Variants in SAMD12 observed in about 807,000 individuals in gnomAD.
SAMD12 encodes the protein sterile alpha motif domain-containing protein 12.
Under a neutral mutation model 15.0 loss-of-function variants are expected in SAMD12, and 9 were observed. That is an observed-to-expected ratio of 0.60 (90% confidence interval 0.36 to 1.05). The LOEUF is 1.05. Ranked by LOEUF, SAMD12 falls within the 50% of genes least tolerant of loss-of-function variation. The probability of loss-of-function intolerance (pLI) is 0.01; values close to 1 mark genes in which losing one functional copy is unlikely to be tolerated. For missense variants in SAMD12, 230 were observed against 234.2 expected (o/e 0.98, Z 0.12); for synonymous variants, 86 against 90.1 (o/e 0.96, Z 0.25).
chr8:118,545,453 G>C (rs1348150401), intron 2 of SAMD12, among the ~76,000 whole-genome samples: 1 of 152,112 alleles, frequency 6.6e-6, no homozygotes. Context: ...GGTGACAAGA[G>C]TGAGAGTCCA....
At chr8:118,236,736 A>T (rs945061119) in intron 4 of SAMD12, among the ~76,000 whole-genome samples, 3 of 152,190 alleles carry the variant, frequency 2.0e-5, no homozygotes, top group African/African-American at 7.2e-5. Context: ...ATATTTTACT[A>T]TCAAATTTGG....
At chr8:118,421,280 T>C (rs1468530306) in intron 3 of SAMD12, among the ~76,000 whole-genome samples, 2 of 152,244 alleles carry the variant, frequency 1.3e-5, no homozygotes, top group Admixed American at 6.5e-5. Flanking sequence ...ACTTATTTTC[T>C]ACTTCCTTTA....
At chr8:118,386,555 C>T (rs1049361164) in intron 3 of SAMD12, among the ~76,000 whole-genome samples, 1 of 152,168 alleles carries the variant, frequency 6.6e-6, no homozygotes, top group Non-Finnish European at 1.5e-5. Context: ...ATTATTCAGC[C>T]TATCACAGCT....
chr8:118,295,938 C>A (rs185040101), intron 4 of SAMD12, among the ~76,000 whole-genome samples: 1 of 152,116 alleles, frequency 6.6e-6, no homozygotes, highest in African/African-American at 2.4e-5. Flanking sequence ...CCCACTGCAA[C>A]TGGTCAATTG....
intron 2 of SAMD12, among the ~76,000 whole-genome samples, chr8:118,561,784 C>T (rs561971357): frequency 2.6e-5 from 4 of 152,130 alleles, no homozygotes; most frequent in Non-Finnish European, 5.9e-5. Context: ...TCACATCAGT[C>T]TTAAAACTAC....
intron 3 of SAMD12, among the ~76,000 whole-genome samples, chr8:118,437,996 T>G (rs1586716717): frequency 6.6e-6 from 1 of 152,174 alleles, no homozygotes; most frequent in Admixed American, 6.5e-5. Flanking sequence ...TAAAAAACAT[T>G]AAGCAGCCAT....
At chr8:118,163,725 A>T in the SAMD12 span, among the ~76,000 whole-genome samples, 3 of 152,152 alleles carry the variant, frequency 2.0e-5, no homozygotes, top group African/African-American at 7.2e-5. Context: ...AATTCAAAAA[A>T]TTAGCCAGGC....
intron 2 of SAMD12, among the ~76,000 whole-genome samples, chr8:118,468,575 T>C (rs1262793662): frequency 6.6e-6 from 1 of 152,096 alleles, no homozygotes; most frequent in East Asian, 1.9e-4. Flanking sequence ...TCTTATAACC[T>C]GATTGTCCCT....
Position 118,537,716 on chromosome 8 carries a change from C to T in SAMD12, c.192+42999G>A, listed in dbSNP as rs1825883692. On this transcript the variant is annotated intron_variant, in intron 2 of 3. Coordinates refer to ENST00000314727, the MANE Select transcript of SAMD12 (RefSeq NM_207506.3). ...TATCCTGTATATGGCTGAGTTTCCT[C>T]AACACAGCGATTTTGAATTCTCTGT... Among the ~76,000 whole-genome samples the T allele has an allele frequency of 1.3e-5, 2 of 152,214 alleles. 1 individual carries two copies. Among genetic ancestry groups the T allele is most frequent in the South Asian group, 4.1e-4 (2 of 4,830 alleles).
intron 4 of SAMD12, among the ~76,000 whole-genome samples, chr8:118,310,668 C>T (rs1586493864): frequency 6.6e-6 from 1 of 152,136 alleles, no homozygotes; most frequent in African/African-American, 2.4e-5. Flanking sequence ...CTTGTTGAGG[C>T]AGAGAGAGAG....
chr8:118,431,728 G>GTGTA (rs1350148772), intron 3 of SAMD12, among the ~76,000 whole-genome samples: 1 of 147,304 alleles, frequency 6.8e-6, no homozygotes, highest in Non-Finnish European at 1.5e-5. Context: ...GTGTGTGTGT[G>GTGTA]TTTGAGAAAA....
At chr8:118,335,179 C>G (rs6988804) in intron 4 of SAMD12, among the ~76,000 whole-genome samples, 71,032 of 151,954 alleles carry the variant, frequency 0.47, 18,344 homozygotes, top group African/African-American at 0.71. Context: ...TCCTGCATCT[C>G]TTAGGAGTAC....
chr8:118,318,310 G>GTA (rs55959055), intron 4 of SAMD12, among the ~76,000 whole-genome samples: 10 of 113,300 alleles, frequency 8.8e-5, no homozygotes, highest in East Asian at 5.2e-4. Context: ...AGATATATGT[G>GTA]TATATATATA....
intron 2 of SAMD12, among the ~76,000 whole-genome samples, chr8:118,486,423 A>AG (rs1563889328): frequency 7.9e-6 from 1 of 125,812 alleles, no homozygotes; most frequent in African/African-American, 3.2e-5. Context: ...CTAAAAAAAA[A>AG]AAAGAGAGAG....
At chr8:118,558,160 C>T (rs888860560) in intron 2 of SAMD12, among the ~76,000 whole-genome samples, 7 of 152,074 alleles carry the variant, frequency 4.6e-5, no homozygotes, top group African/African-American at 1.7e-4. Context: ...GCATATTTAT[C>T]TTTAGTTTTG....
At chr8:118,543,088 G>A (rs1302331855) in intron 2 of SAMD12, among the ~76,000 whole-genome samples, 1 of 152,082 alleles carries the variant, frequency 6.6e-6, no homozygotes, top group Non-Finnish European at 1.5e-5. Context: ...TGAAGGAAAA[G>A]GGGGTTATCT....
At chr8:118,347,657 A>T (rs1817730580) in intron 4 of SAMD12, among the ~76,000 whole-genome samples, 1 of 152,238 alleles carries the variant, frequency 6.6e-6, no homozygotes, top group South Asian at 2.1e-4. Context: ...AATATTTTTT[A>T]AAAAGAACAC....
In SAMD12 at chr8:118,379,555, G is replaced by C. The variant is rs1178768774; in HGVS notation, c.468C>G (p.Thr156=). The change falls in exon 4 of 4, where the codon ACC becomes ACG. Residue 156 remains threonine (T), a synonymous_variant. Coordinates refer to ENST00000314727, the MANE Select transcript of SAMD12 (RefSeq NM_207506.3). ...VRNLQLLTQG[T]LLLPDGWMDG... ...CCATCCACCCATCAGGAAGCAATAG[G>C]GTACCTTGTGTGAGTAACTGTAGAT... 6.2e-7 allele frequency: 1 copy of C among 1,613,684 alleles called. No homozygotes were observed. The highest frequency in any genetic ancestry group is 2.2e-5 in the East Asian group (1 of 44,872).
chr8:118,172,228 C>T, the SAMD12 span, among the ~76,000 whole-genome samples: 1 of 151,988 alleles, frequency 6.6e-6, no homozygotes, highest in Non-Finnish European at 1.5e-5. Context: ...ACATTGTGCA[C>T]ATGTACCCTA....
Sources: allele counts gnomAD v4.1 joint callset (sites outside exome capture counted in the v4.1 genomes callset), GRCh38; gene constraint gnomAD v4.1.1; transcripts MANE v1.5; gene names NCBI Gene and HGNC (gene_info 2026-07-23, HGNC 2026-07-21).